The following TMEM132B variants were observed in gnomAD, a reference collection of about 807,000 sequenced individuals.
The protein encoded by TMEM132B is transmembrane protein 132B.
Under a neutral mutation model 90.8 loss-of-function variants are expected in TMEM132B, and 18 were observed. The ratio of observed to expected loss-of-function variants is 0.20; its 90% CI spans 0.14 to 0.29. The LOEUF is 0.29. Ranked by LOEUF, TMEM132B falls within the 10% of genes least tolerant of loss-of-function variation. The pLI is 1.00. For missense variants in TMEM132B, 1,096 were observed against 1,326.8 expected (o/e 0.83, Z 2.70); for synonymous variants, 504 against 523.3 (o/e 0.96, Z 0.50).
intron 3 of TMEM132B, among the ~76,000 whole-genome samples, chr12:125,433,340 G>T (rs1408912904): frequency 6.6e-6 from 1 of 151,994 alleles, no homozygotes; most frequent in Non-Finnish European, 1.5e-5. Flanking sequence ...TTAAGAAGGA[G>T]GTGTCCCCCG....
intron 3 of TMEM132B, among the ~76,000 whole-genome samples, chr12:125,517,575 G>C (rs2526734): frequency 0.32 from 49,155 of 151,848 alleles, 12,067 homozygotes; most frequent in East Asian, 0.74. Flanking sequence ...GCAGCTTAGG[G>C]TCAGCTGGGA....
chr12:125,396,849 CAG>C (rs767347717), intron 2 of TMEM132B, among the ~76,000 whole-genome samples: 3 of 152,180 alleles, frequency 2.0e-5, no homozygotes, highest in Non-Finnish European at 2.9e-5. Context: ...GGTGAGGAAA[CAG>C]AGGCACAAAG....
At chr12:125,352,201 A>G (rs918964732) in intron 2 of TMEM132B, among the ~76,000 whole-genome samples, 2 of 152,254 alleles carry the variant, frequency 1.3e-5, no homozygotes, top group African/African-American at 4.8e-5. Flanking sequence ...TGTGTCAGGC[A>G]GAATCCTACA....
At chr12:125,642,554 G>A (rs1886659067) in intron 5 of TMEM132B, among the ~76,000 whole-genome samples, 1 of 152,146 alleles carries the variant, frequency 6.6e-6, no homozygotes, top group Admixed American at 6.5e-5. Flanking sequence ...CTTAGGCCTG[G>A]AAGGAAAAAG....
intron 1 of TMEM132B, among the ~76,000 whole-genome samples, chr12:125,307,782 A>ATACACGTATAT (rs1876019535): frequency 6.8e-6 from 1 of 146,806 alleles, no homozygotes; most frequent in East Asian, 2.0e-4. Context: ...TATACTTATA[A>ATACACGTATAT]TACAAGTATA....
chr12:125,353,859 C>T (rs1877677602), intron 2 of TMEM132B, among the ~76,000 whole-genome samples: 1 of 152,140 alleles, frequency 6.6e-6, no homozygotes, highest in African/African-American at 2.4e-5. Flanking sequence ...CTGTAGAAAG[C>T]CTTAGAGTAT....
chr12:125,270,186 G>T (rs956317534), intron 1 of TMEM132B, among the ~76,000 whole-genome samples: 2 of 149,744 alleles, frequency 1.3e-5, no homozygotes, highest in Non-Finnish European at 3.0e-5. Flanking sequence ...ACCCAGACTG[G>T]AGTGCAGTGG....
At chr12:125,503,983 T>C (rs1231357083) in intron 3 of TMEM132B, among the ~76,000 whole-genome samples, 1 of 152,220 alleles carries the variant, frequency 6.6e-6, no homozygotes, top group Non-Finnish European at 1.5e-5. Context: ...GTAATTGGCC[T>C]ATAAGAAAGA....
intron 5 of TMEM132B, among the ~76,000 whole-genome samples, chr12:125,639,508 G>A (rs1431249553): frequency 6.6e-6 from 1 of 152,222 alleles, no homozygotes; most frequent in Non-Finnish European, 1.5e-5. Context: ...AGCAGAGACA[G>A]CAGGGAAAAG....
At chr12:125,436,332 G>A (rs751298468) in intron 3 of TMEM132B, among the ~76,000 whole-genome samples, 6 of 152,102 alleles carry the variant, frequency 3.9e-5, no homozygotes, top group African/African-American at 9.7e-5. Context: ...CAGCCTCACT[G>A]TTTGCCATGC....
intron 2 of TMEM132B, among the ~76,000 whole-genome samples, chr12:125,398,484 C>G (rs1879225844): frequency 6.6e-6 from 1 of 152,204 alleles, no homozygotes; most frequent in African/African-American, 2.4e-5. Context: ...TAATTAGTAG[C>G]AACCAGCAGT....
intron 1 of TMEM132B, among the ~76,000 whole-genome samples, chr12:125,318,217 A>G (rs1360378908): frequency 2.0e-5 from 3 of 152,160 alleles, no homozygotes; most frequent in African/African-American, 7.2e-5. Flanking sequence ...GTGAACCCCA[A>G]GTTGAGGAAA....
intron 2 of TMEM132B, among the ~76,000 whole-genome samples, chr12:125,357,124 C>T (rs1877801031): frequency 6.6e-6 from 1 of 152,020 alleles, no homozygotes; most frequent in African/African-American, 2.4e-5. Flanking sequence ...GCATTGTTCC[C>T]AGATAAAGGG....
chr12:125,526,995 T>C (rs1278926413), intron 4 of TMEM132B, among the ~76,000 whole-genome samples: 24 of 78,268 alleles, frequency 3.1e-4, no homozygotes, highest in East Asian at 1.3e-3. Flanking sequence ...TCCACCCTTC[T>C]ATCCAATCAT....
At chr12:125,625,691 G>A (rs565012295) in intron 5 of TMEM132B, among the ~76,000 whole-genome samples, 1 of 152,232 alleles carries the variant, frequency 6.6e-6, no homozygotes, top group African/African-American at 2.4e-5. Flanking sequence ...GGATCATTTA[G>A]TAAACTGAAT....
intron 5 of TMEM132B, among the ~76,000 whole-genome samples, chr12:125,611,096 TTG>T (rs1885813615): frequency 6.6e-6 from 1 of 152,136 alleles, no homozygotes; most frequent in African/African-American, 2.4e-5. Context: ...TATTCAGACT[TTG>T]TATTTCTTTC....
intron 1 of TMEM132B, among the ~76,000 whole-genome samples, chr12:125,309,250 TAGACTC>T (rs1198020457): frequency 6.6e-6 from 1 of 152,250 alleles, no homozygotes; most frequent in Non-Finnish European, 1.5e-5. Flanking sequence ...TATCTTTTCA[TAGACTC>T]AGAAGCAGCC....
At chr12:125,514,970 C>A (rs1883072099) in intron 3 of TMEM132B, among the ~76,000 whole-genome samples, 1 of 152,184 alleles carries the variant, frequency 6.6e-6, no homozygotes, top group Admixed American at 6.5e-5. Flanking sequence ...GGTCCCAGGG[C>A]TCCAGAGAGG....
At chr12:125,531,180 T>C (rs1300516024) in intron 4 of TMEM132B, among the ~76,000 whole-genome samples, 2 of 152,120 alleles carry the variant, frequency 1.3e-5, no homozygotes, top group South Asian at 4.1e-4. Flanking sequence ...CTTTTCTTTT[T>C]GTTTTGTTTT....
Sources: allele counts gnomAD v4.1 joint callset (sites outside exome capture counted in the v4.1 genomes callset), GRCh38; gene constraint gnomAD v4.1.1; transcripts MANE v1.5; gene names NCBI Gene and HGNC (gene_info 2026-07-23, HGNC 2026-07-21).